Variants in CPXM2 observed in about 807,000 individuals in gnomAD.
CPXM2 encodes inactive carboxypeptidase-like protein X2.
In CPXM2, 66 loss-of-function variants were observed where a neutral mutation model predicts 86.1. The observed-to-expected ratio is 0.77, with a 90% CI of 0.63 to 0.94. The LOEUF is 0.94. CPXM2 is among the 40% of genes least tolerant of loss of function. The probability of loss-of-function intolerance (pLI) is 0.00; values close to 1 mark genes in which losing one functional copy is unlikely to be tolerated. For synonymous variants in CPXM2, 388 were observed against 400.2 expected (o/e 0.97, Z 0.36); for missense variants, 948 against 1,026.3 (o/e 0.92, Z 1.04).
In CPXM2 at chr10:123,849,252, T is replaced by C. The variant is rs1451921649; in HGVS notation, c.514-6764A>G. On this transcript the variant is annotated intron_variant, in intron 3 of 13. Transcript: ENST00000241305. ...ATGCTAATGAGCTGTACCTTTGTTT[T>C]AGTGGTTGATTTAGTAACTAAGTCT... Among the ~76,000 whole-genome samples the C allele has an allele frequency of 3.3e-5, 5 of 152,206 alleles. No individual in the cohort carries two copies. The East Asian group carries it at 9.6e-4, about 29-fold the overall frequency.
intron 4 of CPXM2, among the ~76,000 whole-genome samples, chr10:123,835,477 A>G (rs1013222718): frequency 4.6e-5 from 7 of 152,190 alleles, no homozygotes; most frequent in Non-Finnish European, 8.8e-5. Context: ...AAATGACTGC[A>G]TGCCTGGCAT....
chr10:123,746,763 G>T lies in CPXM2; in HGVS notation c.*1C>A. On this transcript the variant is annotated 3_prime_UTR_variant, in exon 14 of 14. Transcript: ENST00000241305. The stretch of plus-strand genomic sequence containing the variant: ...AGACGAGTCTCAAGGGCCCAGGAGG[G>T]TCACCCACGCTGTCGTCTCTTCTGC... The T allele has an allele frequency of 6.2e-7, 1 of 1,613,960 alleles. No homozygotes were observed. Among genetic ancestry groups the T allele is most frequent in the Non-Finnish European group, 8.5e-7 (1 of 1,179,966 alleles).
intron 2 of CPXM2, among the ~76,000 whole-genome samples, chr10:123,876,031 C>T (rs1018677036): frequency 5.9e-5 from 9 of 151,670 alleles, no homozygotes; most frequent in East Asian, 3.9e-4. Context: ...TGGCCAGGCT[C>T]GTCTCAAACT....
chr10:123,778,571 T>A (rs969048362), intron 7 of CPXM2, among the ~76,000 whole-genome samples: 4 of 152,212 alleles, frequency 2.6e-5, no homozygotes. Context: ...GCTTTCCTTG[T>A]AAGAAAAGAG....
intron 4 of CPXM2, among the ~76,000 whole-genome samples, chr10:123,832,583 T>A (rs1848187210): frequency 6.6e-6 from 1 of 151,984 alleles, no homozygotes; most frequent in Non-Finnish European, 1.5e-5. Context: ...CCCTAGCACT[T>A]TGGGAGGCCG....
At position 123,761,917 on chromosome 10, in the gene CPXM2, C is replaced by A; in HGVS notation, c.1732G>T (p.Glu578Ter). 6.2e-7 allele frequency: 1 copy of A among 1,613,910 alleles called. No individual in the cohort carries two copies. Among genetic ancestry groups the A allele is most frequent in the Non-Finnish European group, 8.5e-7 (1 of 1,179,936 alleles). Reference protein sequence around the residue: ...RVCHTEDFQKEEGTVNGASWH... With the variant: ...RVCHTEDFQK ...GAGGCCCCATTGACAGTGCCCTCCT[C>A]CTTCTGGAAGTCCTCCGTGTGGCAC... The change falls in exon 11 of 14, where the codon GAG (glutamate) becomes TAG (stop). Residue 578 changes from glutamate to a stop codon, truncating the protein, a stop_gained. Transcript: ENST00000241305. LOFTEE classifies it high-confidence loss of function.
At chr10:123,832,161 C>A (rs1396485622) in intron 4 of CPXM2, among the ~76,000 whole-genome samples, 2 of 152,140 alleles carry the variant, frequency 1.3e-5, no homozygotes, top group Admixed American at 6.5e-5. Flanking sequence ...TGGGGGTTTT[C>A]TTTTGATTTT....
chr10:123,843,173 G>A (rs1212795328), intron 3 of CPXM2: 6 of 361,220 alleles, frequency 1.7e-5, no homozygotes, highest in African/African-American at 1.3e-4. Flanking sequence ...GCTGGCCTCA[G>A]ACTCCTGGGT....
chr10:123,760,146 AT>A (rs1312478483), intron 11 of CPXM2, among the ~76,000 whole-genome samples: 1 of 152,228 alleles, frequency 6.6e-6, no homozygotes, highest in Non-Finnish European at 1.5e-5. Flanking sequence ...TAGAAAAAAA[AT>A]CAAACGCTAC....
At chr10:123,880,145 T>TGGGGGCCCCCCCCCCCCCC in intron 2 of CPXM2, 66 bp downstream of exon 2, 2 of 407,572 alleles carry the variant, frequency 4.9e-6, no homozygotes, top group Non-Finnish European at 4.8e-6. Context: ...CAGGGGCCTG[T>TGGGGGCCCCCCCCCCCCCC]ACCCACCCAC....
intron 2 of CPXM2, chr10:123,913,996 C>G (rs769716828): frequency 2.2e-5 from 11 of 489,618 alleles, no homozygotes; most frequent in South Asian, 1.2e-4. Context: ...CATTGCCAAC[C>G]GCATTCCCTC....
At chr10:123,881,083 T>C (rs919482832) in intron 1 of CPXM2, among the ~76,000 whole-genome samples, 1 of 151,774 alleles carries the variant, frequency 6.6e-6, no homozygotes, top group Admixed American at 6.6e-5. Flanking sequence ...GACACCTGCC[T>C]GCCATGCTCC....
chr10:123,929,521 G>A (rs892095581), intron 2 of CPXM2, among the ~76,000 whole-genome samples: 1 of 152,230 alleles, frequency 6.6e-6, no homozygotes, highest in African/African-American at 2.4e-5. Flanking sequence ...GAGGAGGAAA[G>A]CCAGGAGGCC....
At chr10:123,758,340 C>T (rs1432614162) in intron 11 of CPXM2, among the ~76,000 whole-genome samples, 1 of 152,112 alleles carries the variant, frequency 6.6e-6, no homozygotes, top group Non-Finnish European at 1.5e-5. Context: ...AGGGGAGGAG[C>T]CTTCCTTGAC....
intron 4 of CPXM2, among the ~76,000 whole-genome samples, chr10:123,806,736 C>T (rs561389995): frequency 5.9e-5 from 9 of 151,954 alleles, no homozygotes; most frequent in South Asian, 4.2e-4. Flanking sequence ...TCTTACGTGG[C>T]GGCAGGAGAC....
intron 6 of CPXM2, among the ~76,000 whole-genome samples, chr10:123,796,960 CCTT>C (rs1231090313): frequency 2.6e-5 from 4 of 152,232 alleles, no homozygotes; most frequent in African/African-American, 9.6e-5. Flanking sequence ...AGGCCAGCCA[CCTT>C]CTTTGGAGAT....
At chr10:123,855,078 T>C (rs1319212709) in intron 3 of CPXM2, among the ~76,000 whole-genome samples, 1 of 151,846 alleles carries the variant, frequency 6.6e-6, no homozygotes, top group Non-Finnish European at 1.5e-5. Flanking sequence ...TAGATATTCA[T>C]TTTGATTTCT....
chr10:123,782,953 G>A (rs1356276812), intron 6 of CPXM2, among the ~76,000 whole-genome samples: 1 of 152,228 alleles, frequency 6.6e-6, no homozygotes, highest in Non-Finnish European at 1.5e-5. Context: ...GGTGACAAGA[G>A]TGACCTCTGG....
At chr10:123,933,049 T>C (rs1469466704) in intron 2 of CPXM2, among the ~76,000 whole-genome samples, 1 of 152,156 alleles carries the variant, frequency 6.6e-6, no homozygotes, top group Non-Finnish European at 1.5e-5. Flanking sequence ...GGTACAGTGA[T>C]TGTGCATTAG....
Sources: allele counts gnomAD v4.1 joint callset (sites outside exome capture counted in the v4.1 genomes callset), GRCh38; gene constraint gnomAD v4.1.1; transcripts MANE v1.5; gene names NCBI Gene and HGNC (gene_info 2026-07-23, HGNC 2026-07-21).